ARHGAP24: variants seen among roughly 807,000 people sequenced by gnomAD.
ARHGAP24 encodes the protein Rho GTPase activating protein 24.
A neutral mutation model predicts 76.4 loss-of-function variants in ARHGAP24; 50 were observed. The ratio of observed to expected loss-of-function variants is 0.65; its 90% CI spans 0.52 to 0.83. The LOEUF (loss-of-function observed/expected upper bound fraction) is 0.83. Among genes scored for constraint, ARHGAP24 ranks in the 40% least tolerant of loss-of-function variants. The pLI, the probability that ARHGAP24 is intolerant of heterozygous loss-of-function variation, is 0.00. For missense variants in ARHGAP24, 930 were observed against 914.2 expected (o/e 1.02, Z -0.22); for synonymous variants, 345 against 323.3 (o/e 1.07, Z -0.72).
chr4:85,811,500 C>T (rs974478928), intron 3 of ARHGAP24, among the ~76,000 whole-genome samples: 3 of 152,092 alleles, frequency 2.0e-5, no homozygotes, highest in African/African-American at 7.2e-5. Flanking sequence ...CCTCCACTGC[C>T]GCTTACATTC....
chr4:85,784,885 A>G (rs972750919), intron 3 of ARHGAP24, among the ~76,000 whole-genome samples: 4 of 151,892 alleles, frequency 2.6e-5, no homozygotes, highest in African/African-American at 4.8e-5. Flanking sequence ...ACATTTGGCA[A>G]TTTGAAGATG....
chr4:85,867,697 T>A (rs1262093413), intron 3 of ARHGAP24, among the ~76,000 whole-genome samples: 1 of 151,610 alleles, frequency 6.6e-6, no homozygotes, highest in East Asian at 1.9e-4. Context: ...TACTCACTTC[T>A]CAATTCTCAG....
intron 1 of ARHGAP24, among the ~76,000 whole-genome samples, chr4:85,568,553 T>C (rs1726942855): frequency 6.6e-6 from 1 of 152,144 alleles, no homozygotes; most frequent in Admixed American, 6.5e-5. Context: ...TCTTGGCTCA[T>C]CATAGTAGGT....
chr4:85,785,617 T>C (rs563972998), intron 3 of ARHGAP24, among the ~76,000 whole-genome samples: 1 of 152,264 alleles, frequency 6.6e-6, no homozygotes, highest in South Asian at 2.1e-4. Context: ...ATATGTGGTT[T>C]TCTTTATTTA....
chr4:85,605,959 G>A (rs988162255), intron 2 of ARHGAP24, among the ~76,000 whole-genome samples: 1 of 152,144 alleles, frequency 6.6e-6, no homozygotes, highest in Non-Finnish European at 1.5e-5. Flanking sequence ...CTTATTTATG[G>A]TAGCTGACCT....
intron 2 of ARHGAP24, among the ~76,000 whole-genome samples, chr4:85,677,829 T>A (rs1357485820): frequency 1.3e-5 from 2 of 152,206 alleles, no homozygotes; most frequent in South Asian, 2.1e-4. Flanking sequence ...TACTAGTTTA[T>A]CAAGTTTTTA....
At chr4:85,850,456 C>A (rs1731160929) in intron 3 of ARHGAP24, among the ~76,000 whole-genome samples, 1 of 152,020 alleles carries the variant, frequency 6.6e-6, no homozygotes, top group South Asian at 2.1e-4. Context: ...TCCTTCAGTT[C>A]TGCTCTGATC....
At chr4:85,513,559 T>TAAAA (rs33971400) in intron 1 of ARHGAP24, among the ~76,000 whole-genome samples, 6 of 151,510 alleles carry the variant, frequency 4.0e-5, no homozygotes, top group Non-Finnish European at 7.4e-5. Context: ...GCCTTTTTTT[T>TAAAA]AAAAAAAAAA....
intron 3 of ARHGAP24, among the ~76,000 whole-genome samples, chr4:85,803,354 A>G (rs1294847120): frequency 1.3e-5 from 2 of 152,202 alleles, no homozygotes; most frequent in Non-Finnish European, 2.9e-5. Context: ...TGCTAGTAAT[A>G]TTGTTCTTAA....
Position 85,704,642 on chromosome 4 carries a change from T to C in ARHGAP24, c.181-17243T>C, listed in dbSNP as rs183245730. Among the ~76,000 whole-genome samples the C allele has an allele frequency of 4.1e-3, 630 of 152,292 alleles. 1 individual carries two copies. Among genetic ancestry groups the C allele is most frequent in the Non-Finnish European group, 6.3e-3 (430 of 68,008 alleles). On this transcript the variant is annotated intron_variant, in intron 2 of 9. Coordinates refer to ENST00000395184, the MANE Select transcript of ARHGAP24 (RefSeq NM_001025616.3). ...ATACTCAGTTCTTTGTCTTCATTTA[T>C]TTAAAAATATTTTTAACAACTTAGT...
At chr4:85,580,182 G>A (rs368363715) in intron 2 of ARHGAP24, among the ~76,000 whole-genome samples, 9 of 150,882 alleles carry the variant, frequency 6.0e-5, no homozygotes, top group African/African-American at 2.2e-4. Flanking sequence ...GAGAGACCTA[G>A]GCAGAGAAAC....
chr4:85,507,760 T>C (rs192212470), intron 1 of ARHGAP24, among the ~76,000 whole-genome samples: 122 of 152,358 alleles, frequency 8.0e-4, no homozygotes, highest in African/African-American at 2.7e-3. Context: ...ATTTCATTAT[T>C]ACTTGTAGGG....
chr4:85,980,344 G>T (rs1010707993), intron 8 of ARHGAP24, among the ~76,000 whole-genome samples: 2 of 152,056 alleles, frequency 1.3e-5, no homozygotes, highest in African/African-American at 4.8e-5. Context: ...ATAACTACAG[G>T]GTTTTTATTT....
intron 2 of ARHGAP24, among the ~76,000 whole-genome samples, chr4:85,649,009 A>ATGTGTGTG (rs1491155144): frequency 1.1e-4 from 4 of 37,418 alleles, no homozygotes; most frequent in African/African-American, 2.8e-4. Flanking sequence ...GCATTTGTAA[A>ATGTGTGTG]TATGTGTGTG....
At chr4:85,733,059 A>C (rs6855390) in intron 3 of ARHGAP24, among the ~76,000 whole-genome samples, 14,945 of 34,452 alleles carry the variant, frequency 0.43, 1,786 homozygotes, top group East Asian at 0.57. Context: ...GGCCTCACCA[A>C]CTTTTTTTTT....
At chr4:85,935,942 A>G (rs1261364762) in intron 4 of ARHGAP24, among the ~76,000 whole-genome samples, 2 of 152,210 alleles carry the variant, frequency 1.3e-5, no homozygotes, top group African/African-American at 4.8e-5. Flanking sequence ...TCCTTGGAGT[A>G]AAGGATTTCT....
At chr4:85,856,330 A>C (rs1731561522) in intron 3 of ARHGAP24, among the ~76,000 whole-genome samples, 1 of 152,190 alleles carries the variant, frequency 6.6e-6, no homozygotes. Flanking sequence ...AAAAACATAT[A>C]GATCTGAAAG....
chr4:85,890,845 A>T (rs892440765), intron 3 of ARHGAP24, among the ~76,000 whole-genome samples: 4 of 152,190 alleles, frequency 2.6e-5, no homozygotes, highest in Non-Finnish European at 5.9e-5. Context: ...AATCTATGAC[A>T]ATAGCACATA....
At chr4:85,769,042 A>G (rs1036589415) in intron 3 of ARHGAP24, among the ~76,000 whole-genome samples, 2 of 152,208 alleles carry the variant, frequency 1.3e-5, no homozygotes, top group South Asian at 2.1e-4. Context: ...TTAATGGTCA[A>G]ATAGTGATGA....
Sources: gnomAD v4.1 joint callset for allele counts (sites outside exome capture counted in the v4.1 genomes callset) on GRCh38, gnomAD v4.1.1 for gene constraint, MANE v1.5 for transcripts, NCBI Gene and HGNC (gene_info 2026-07-23, HGNC 2026-07-21) for gene names.